The following HDAC4 variants were observed in gnomAD, a reference collection of about 807,000 sequenced individuals.
HDAC4 encodes the protein histone deacetylase A.
HDAC4 carries 16 observed loss-of-function variants against 135.1 expected under a neutral mutation model. That is an observed-to-expected ratio of 0.12 (90% CI 0.08 to 0.18). The LOEUF (loss-of-function observed/expected upper bound fraction) is 0.18, where lower values mean the gene tolerates loss of function less well. HDAC4 is among the 10% of genes least tolerant of loss of function. The pLI, the probability that HDAC4 is intolerant of heterozygous loss-of-function variation, is 1.00. For synonymous variants in HDAC4, 685 were observed against 653.4 expected (o/e 1.05, Z -0.74); for missense variants, 1,143 against 1,511.8 (o/e 0.76, Z 4.05).
At chr2:239,354,574 T>C (rs1478231065) in intron 1 of HDAC4, among the ~76,000 whole-genome samples, 8 of 146,726 alleles carry the variant, frequency 5.5e-5, no homozygotes, top group Admixed American at 5.4e-4. Flanking sequence ...TTTTTTTTTT[T>C]TTTTTTTTTT....
intron 24 of HDAC4, among the ~76,000 whole-genome samples, chr2:239,062,375 G>GGC (rs1376375996): frequency 1.3e-5 from 2 of 152,244 alleles, no homozygotes; most frequent in African/African-American, 4.8e-5. Flanking sequence ...CAGATCGCCT[G>GGC]GCACACTGTA....
chr2:239,137,428 G>A (rs2041044246), intron 9 of HDAC4, among the ~76,000 whole-genome samples: 1 of 152,144 alleles, frequency 6.6e-6, no homozygotes, highest in Non-Finnish European at 1.5e-5. Context: ...TGTAGAGGAG[G>A]TGCCGGCACA....
intron 3 of HDAC4, among the ~76,000 whole-genome samples, chr2:239,211,957 A>G (rs1415688426): frequency 6.6e-6 from 1 of 152,202 alleles, no homozygotes; most frequent in Non-Finnish European, 1.5e-5. Flanking sequence ...GCGTGAAGGT[A>G]CAAAGGGTTC....
chr2:239,346,109 C>T (rs1170993317), intron 2 of HDAC4, among the ~76,000 whole-genome samples: 1 of 151,554 alleles, frequency 6.6e-6, no homozygotes, highest in African/African-American at 2.4e-5. Flanking sequence ...AACACACATA[C>T]ACACCGTCTG....
intron 1 of HDAC4, among the ~76,000 whole-genome samples, chr2:239,382,230 A>AT (rs910576661): frequency 6.6e-6 from 1 of 152,206 alleles, no homozygotes; most frequent in African/African-American, 2.4e-5. Flanking sequence ...TGGGAATACC[A>AT]TTTTTTTAAA....
intron 2 of HDAC4, among the ~76,000 whole-genome samples, chr2:239,253,316 G>A (rs2124994265): frequency 6.6e-6 from 1 of 152,306 alleles, no homozygotes; most frequent in Non-Finnish European, 1.5e-5. Context: ...TCCCACACTT[G>A]GGCATGAAGG....
intron 6 of HDAC4, among the ~76,000 whole-genome samples, chr2:239,160,904 C>G (rs1361523336): frequency 3.3e-5 from 5 of 152,230 alleles, no homozygotes; most frequent in Non-Finnish European, 7.3e-5. Context: ...ACGTGTGATT[C>G]AGATTCCAAC....
intron 3 of HDAC4, among the ~76,000 whole-genome samples, chr2:239,205,758 C>T (rs1057132466): frequency 3.0e-4 from 46 of 152,048 alleles, no homozygotes; most frequent in African/African-American, 1.1e-3. Context: ...AAGAAGTTTA[C>T]CTAACTTGTG....
At chr2:239,172,464 G>A (rs1486808893) in intron 5 of HDAC4, among the ~76,000 whole-genome samples, 1 of 151,894 alleles carries the variant, frequency 6.6e-6, no homozygotes, top group East Asian at 1.9e-4. Context: ...GAAAGACAAA[G>A]ATTGTCAAAC....
chr2:239,394,251 C>T (rs796743547), intron 1 of HDAC4, among the ~76,000 whole-genome samples: 32 of 152,326 alleles, frequency 2.1e-4, no homozygotes, highest in African/African-American at 7.7e-4. Context: ...TCATAAACAA[C>T]AGTAAACTCA....
chr2:239,221,939 A>G (rs916467736), intron 3 of HDAC4, among the ~76,000 whole-genome samples: 1 of 152,232 alleles, frequency 6.6e-6, no homozygotes, highest in Non-Finnish European at 1.5e-5. Flanking sequence ...AATAAGCTGT[A>G]TCAACAACGC....
At chr2:239,294,063 C>T (rs2051698709) in intron 2 of HDAC4, among the ~76,000 whole-genome samples, 1 of 152,240 alleles carries the variant, frequency 6.6e-6, no homozygotes, top group South Asian at 2.1e-4. Flanking sequence ...GTCTCCCAGC[C>T]CACCCTCTGC....
chr2:239,276,857 T>G (rs554762860), intron 2 of HDAC4, among the ~76,000 whole-genome samples: 217 of 152,326 alleles, frequency 1.4e-3, no homozygotes, highest in Non-Finnish European at 2.4e-3. Flanking sequence ...TGATCAGGTC[T>G]GTGTATGAGT....
chr2:239,337,168 A>G lies in HDAC4; in HGVS notation c.22+15510T>C, dbSNP rs78611485. Among the ~76,000 whole-genome samples, 1,473 of 152,238 alleles carry G rather than the reference A, an allele frequency of 9.7e-3. 31 individuals carry two copies. Among genetic ancestry groups the G allele is most frequent in the African/African-American group, 0.033 (1,380 of 41,542 alleles). On this transcript the variant is annotated intron_variant, in intron 2 of 26. Coordinates refer to ENST00000543185, the MANE Select transcript of HDAC4 (RefSeq NM_001378414.1). ...AATTAACACACACCCACTCCACTAA[A>G]CTGGTTTTACTGAACAGCAGGTTGT... is the stretch of plus-strand genomic sequence containing the variant.
chr2:239,097,116 G>C (rs3791382), intron 16 of HDAC4, among the ~76,000 whole-genome samples: 91,301 of 152,204 alleles, frequency 0.6, 28,117 homozygotes, highest in African/African-American at 0.74. Context: ...CCAGACAAAG[G>C]CCTACGTGCT....
intron 3 of HDAC4, among the ~76,000 whole-genome samples, chr2:239,200,210 T>C (rs2045671975): frequency 6.6e-6 from 1 of 152,058 alleles, no homozygotes; most frequent in Admixed American, 6.6e-5. Flanking sequence ...GTGTTTGACC[T>C]GCCATCCCTC....
chr2:239,143,121 ACT>A (rs1475874234), intron 8 of HDAC4, among the ~76,000 whole-genome samples: 2 of 152,260 alleles, frequency 1.3e-5, no homozygotes, highest in Middle Eastern at 3.4e-3. Flanking sequence ...CCAGGGAAGG[ACT>A]CTGTCTCACT....
chr2:239,295,827 C>A (rs908262), intron 2 of HDAC4, among the ~76,000 whole-genome samples: 34,776 of 152,106 alleles, frequency 0.23, 4,228 homozygotes, highest in African/African-American at 0.28. Flanking sequence ...AGTTCTAGGG[C>A]AGCTGTCTCT....
intron 11 of HDAC4, among the ~76,000 whole-genome samples, chr2:239,131,682 G>C (rs1006503524): frequency 2.0e-5 from 3 of 152,220 alleles, no homozygotes; most frequent in African/African-American, 7.2e-5. Context: ...CTAGAGGAAG[G>C]CTGGAGTTCC....
Sources: gnomAD v4.1 joint callset for allele counts (sites outside exome capture counted in the v4.1 genomes callset) on GRCh38, gnomAD v4.1.1 for gene constraint, MANE v1.5 for transcripts, NCBI Gene and HGNC (gene_info 2026-07-23, HGNC 2026-07-21) for gene names.